Variants in FTCDNL1 observed in about 807,000 individuals in gnomAD.
FTCDNL1 encodes formiminotransferase cyclodeaminase N-terminal like, also known as formiminotransferase N-terminal subdomain-containing protein.
In FTCDNL1, 11 loss-of-function variants were observed where a neutral mutation model predicts 5.9. The ratio of observed to expected loss-of-function variants is 1.87; its 90% CI spans 1.18 to 3.10. The LOEUF (loss-of-function observed/expected upper bound fraction) is 3.10, where lower values mean the gene tolerates loss of function less well. FTCDNL1 is among the 30% of genes most tolerant of loss of function. FTCDNL1 has a pLI of 0.00. For missense variants in FTCDNL1, 115 were observed against 65.5 expected (o/e 1.76, Z -2.61); for synonymous variants, 58 against 24.8 (o/e 2.34, Z -3.99).
chr2:199,763,185 T>C (rs1432782621), intron 3 of FTCDNL1, among the ~76,000 whole-genome samples: 4 of 152,140 alleles, frequency 2.6e-5, no homozygotes, highest in Non-Finnish European at 4.4e-5. Context: ...ATGACAATGC[T>C]CCAGTGGTTT....
At chr2:199,803,171 G>T (rs1485012520) in intron 3 of FTCDNL1, among the ~76,000 whole-genome samples, 3 of 137,326 alleles carry the variant, frequency 2.2e-5, no homozygotes, top group South Asian at 5.3e-4. Context: ...TCCAGCCTGG[G>T]TGATGGAGGA....
At chr2:199,790,389 T>G (rs879636642) in intron 3 of FTCDNL1, among the ~76,000 whole-genome samples, 4 of 151,628 alleles carry the variant, frequency 2.6e-5, no homozygotes, top group Non-Finnish European at 4.4e-5. Context: ...TCCCAGCTAC[T>G]CGGGAGGCTG....
downstream of FTCDNL1, among the ~76,000 whole-genome samples, chr2:199,805,634 G>A (rs541093806): frequency 7.9e-5 from 12 of 152,232 alleles, no homozygotes; most frequent in Non-Finnish European, 1.3e-4. Flanking sequence ...AGCTACTCCA[G>A]AGGCTGAGGC....
chr2:199,679,118 A>G, the FTCDNL1 span, among the ~76,000 whole-genome samples: 3 of 152,112 alleles, frequency 2.0e-5, no homozygotes, highest in Non-Finnish European at 4.4e-5. Context: ...TTGATTTAGC[A>G]GGGGGAGAAA....
chr2:199,756,442 C>T (rs191630506), downstream of FTCDNL1, among the ~76,000 whole-genome samples: 15 of 152,204 alleles, frequency 9.9e-5, no homozygotes, highest in African/African-American at 3.1e-4. Flanking sequence ...TTTCACTTCA[C>T]ATTTTGAGCC....
chr2:199,835,131 T>C, intron 3 of FTCDNL1, among the ~76,000 whole-genome samples: 1 of 152,034 alleles, frequency 6.6e-6, no homozygotes, highest in Non-Finnish European at 1.5e-5. Flanking sequence ...TGAGCTAGGA[T>C]TGCACTACTG....
chr2:199,822,605 G>A (rs550768161), intron 3 of FTCDNL1, among the ~76,000 whole-genome samples: 40 of 152,178 alleles, frequency 2.6e-4, no homozygotes, highest in African/African-American at 4.8e-4. Flanking sequence ...TTCCTTTCAC[G>A]AAAATTTCTC....
chr2:199,771,909 CTA>C (rs1159741262), intron 3 of FTCDNL1, among the ~76,000 whole-genome samples: 7 of 152,190 alleles, frequency 4.6e-5, no homozygotes, highest in African/African-American at 7.2e-5. Flanking sequence ...TCTGTATACA[CTA>C]TGTTTTATCC....
chr2:199,760,377 AC>A (rs1698216023), downstream of FTCDNL1, among the ~76,000 whole-genome samples: 1 of 152,160 alleles, frequency 6.6e-6, no homozygotes, highest in Non-Finnish European at 1.5e-5. Context: ...CTTATTGACA[AC>A]CCTGTCATTT....
At chr2:199,712,135 T>C in the FTCDNL1 span, among the ~76,000 whole-genome samples, 2 of 152,086 alleles carry the variant, frequency 1.3e-5, no homozygotes, top group African/African-American at 4.8e-5. Flanking sequence ...TAAAAATCAA[T>C]ACCCAGCCAA....
chr2:199,769,082 C>G (rs2106277225), intron 3 of FTCDNL1, among the ~76,000 whole-genome samples: 1 of 152,282 alleles, frequency 6.6e-6, no homozygotes, highest in Admixed American at 6.5e-5. Flanking sequence ...CAAGAGACTT[C>G]CACCATTCAT....
intron 3 of FTCDNL1, among the ~76,000 whole-genome samples, chr2:199,799,804 T>G (rs1352523001): frequency 6.6e-6 from 1 of 152,194 alleles, no homozygotes; most frequent in Non-Finnish European, 1.5e-5. Context: ...GGGTGTTAAT[T>G]CTGAGCCTGA....
At position 199,811,172 on chromosome 2, in the gene FTCDNL1, T is replaced by C. The variant is rs1448446795; in HGVS notation, c.*1533A>G. On this transcript the variant is annotated 3_prime_UTR_variant, in exon 5 of 5. Coordinates refer to ENST00000420128, the MANE Select transcript of FTCDNL1 (RefSeq NM_001363886.2). ...ATTAAATTTCCTAACAGTCAATACA[T>C]CTCTCTCTCATCATCTCATGTCCCA... Among the ~76,000 whole-genome samples the C allele has an allele frequency of 6.6e-6, 1 of 152,136 alleles. No homozygotes were observed. The highest frequency in any genetic ancestry group is 1.5e-5 in the Non-Finnish European group (1 of 68,026).
chr2:199,712,420 A>G, the FTCDNL1 span, among the ~76,000 whole-genome samples: 1 of 152,192 alleles, frequency 6.6e-6, no homozygotes, highest in Non-Finnish European at 1.5e-5. Flanking sequence ...TTTGAGTAGC[A>G]TGTTTGCTAG....
At chr2:199,797,596 A>G (rs552663904) in intron 3 of FTCDNL1, among the ~76,000 whole-genome samples, 39 of 152,366 alleles carry the variant, frequency 2.6e-4, no homozygotes, top group African/African-American at 8.7e-4. Flanking sequence ...CTCTAAGCTC[A>G]GTTAATGAAA....
the FTCDNL1 span, among the ~76,000 whole-genome samples, chr2:199,724,548 C>A: frequency 6.6e-6 from 1 of 152,130 alleles, no homozygotes; most frequent in Non-Finnish European, 1.5e-5. Flanking sequence ...CTTAACACTG[C>A]TTTAGCTACA....
At chr2:199,687,924 A>G in the FTCDNL1 span, among the ~76,000 whole-genome samples, 1 of 152,086 alleles carries the variant, frequency 6.6e-6, no homozygotes, top group Non-Finnish European at 1.5e-5. Flanking sequence ...GTTACATAGT[A>G]ACTAGTAATG....
the FTCDNL1 span, among the ~76,000 whole-genome samples, chr2:199,742,640 T>C: frequency 2.0e-5 from 3 of 152,226 alleles, no homozygotes; most frequent in Non-Finnish European, 2.9e-5. Context: ...TCAACCGCCA[T>C]ATGATATGAA....
intron 3 of FTCDNL1, among the ~76,000 whole-genome samples, chr2:199,832,203 T>C (rs928471971): frequency 6.6e-6 from 1 of 152,204 alleles, no homozygotes; most frequent in African/African-American, 2.4e-5. Context: ...TTTGTGCAGA[T>C]GTGATATAAT....
Sources: gnomAD v4.1 joint callset for allele counts (sites outside exome capture counted in the v4.1 genomes callset) on GRCh38, gnomAD v4.1.1 for gene constraint, MANE v1.5 for transcripts, NCBI Gene and HGNC (gene_info 2026-07-23, HGNC 2026-07-21) for gene names.